KCNQ5: variants seen among roughly 807,000 people sequenced by gnomAD.
KCNQ5 encodes the protein potassium voltage-gated channel subfamily Q member 5, also known as potassium voltage-gated channel subfamily KQT member 5.
In KCNQ5, 30 loss-of-function variants were observed where a neutral mutation model predicts 98.2. The observed-to-expected ratio is 0.31, with a 90% confidence interval of 0.23 to 0.41. The LOEUF (loss-of-function observed/expected upper bound fraction) is 0.41, where lower values mean the gene tolerates loss of function less well. Among genes scored for constraint, KCNQ5 ranks in the 10% least tolerant of loss-of-function variants. The pLI is 1.00. For missense variants in KCNQ5, 835 were observed against 1,182.5 expected, an observed-to-expected ratio of 0.71 and a Z score of 4.31; for synonymous variants, 458 against 449.4, an observed-to-expected ratio of 1.02 and a Z score of -0.24.
intron 5 of KCNQ5, among the ~76,000 whole-genome samples, chr6:73,105,008 T>C (rs1051156953): frequency 1.3e-5 from 2 of 152,228 alleles, no homozygotes; most frequent in African/African-American, 4.8e-5. Context: ...TTAAATAATC[T>C]TTCCTTAAAT....
At chr6:72,856,584 T>G (rs1283514042) in intron 1 of KCNQ5, among the ~76,000 whole-genome samples, 2 of 152,164 alleles carry the variant, frequency 1.3e-5, no homozygotes, top group Non-Finnish European at 2.9e-5. Context: ...TTATGACTCC[T>G]CTGCCCCATT....
At position 72,759,000 on chromosome 6, in the gene KCNQ5, C is replaced by A. The variant is rs1423579768; in HGVS notation, c.398+136413C>A. ...TTTATGAGAGAGTCCACTGAAACTA[C>A]ACATTTAGTAAAGGGAAACAAGATC... is the stretch of plus-strand genomic sequence containing the variant. On this transcript the variant is annotated intron_variant, in intron 1 of 13. Coordinates refer to ENST00000370398, the MANE Select transcript of KCNQ5 (RefSeq NM_019842.4). 2.6e-5 allele frequency among the ~76,000 whole-genome samples: 4 copies of A among 152,128 alleles called. No individual in the cohort carries two copies. In the South Asian group the frequency reaches 8.3e-4, roughly 32 times the overall value.
chr6:73,080,312 A>T (rs72947202), intron 5 of KCNQ5, among the ~76,000 whole-genome samples: 2,277 of 152,166 alleles, frequency 0.015, 32 homozygotes, highest in Non-Finnish European at 0.022. Flanking sequence ...TTCTATTTTT[A>T]AAAAAAATCT....
chr6:72,795,037 T>A (rs1187452472), intron 1 of KCNQ5, among the ~76,000 whole-genome samples: 1 of 152,226 alleles, frequency 6.6e-6, no homozygotes, highest in East Asian at 1.9e-4. Flanking sequence ...CTCTTGACTC[T>A]GCTCTGTCTC....
At chr6:73,190,127 A>G (rs1013751185) in intron 11 of KCNQ5, among the ~76,000 whole-genome samples, 20 of 152,202 alleles carry the variant, frequency 1.3e-4, no homozygotes, top group African/African-American at 4.8e-4. Context: ...TTCTCTAGAG[A>G]GAATAGAGTG....
chr6:72,711,268 C>T (rs978177455), intron 1 of KCNQ5, among the ~76,000 whole-genome samples: 1 of 151,978 alleles, frequency 6.6e-6, no homozygotes, highest in African/African-American at 2.4e-5. Flanking sequence ...AGAGAGGCCT[C>T]AGGAGAAACC....
intron 1 of KCNQ5, among the ~76,000 whole-genome samples, chr6:72,969,988 G>A (rs186810070): frequency 2.4e-4 from 37 of 152,312 alleles, no homozygotes; most frequent in Non-Finnish European, 3.4e-4. Flanking sequence ...TTGGGTGCAG[G>A]TGGCTCATCC....
At chr6:72,982,975 C>A (rs1768545786) in intron 1 of KCNQ5, among the ~76,000 whole-genome samples, 1 of 152,188 alleles carries the variant, frequency 6.6e-6, no homozygotes, top group African/African-American at 2.4e-5. Flanking sequence ...AAATTCTTTT[C>A]TTTAAGAATA....
chr6:73,081,284 T>C (rs6941990), intron 5 of KCNQ5, among the ~76,000 whole-genome samples: 151,156 of 152,250 alleles, frequency 0.99, 75,044 homozygotes, highest in Middle Eastern at 1. Flanking sequence ...GCACTGAGAG[T>C]TGCTGGAAAA....
intron 3 of KCNQ5, among the ~76,000 whole-genome samples, chr6:73,047,401 T>C (rs1400214528): frequency 3.3e-5 from 5 of 152,252 alleles, no homozygotes; most frequent in South Asian, 4.1e-4. Context: ...GCTCCCTGTG[T>C]ATTTCCAAAT....
Position 72,902,251 on chromosome 6 carries a change from T to C in KCNQ5, c.399-101657T>C, listed in dbSNP as rs145569558. ...TCTAGGAACTTTCTGGAGAAGTCTT[T>C]AGGGTTCTCAAGGTAAACAATCATA... On this transcript the variant is annotated intron_variant, in intron 1 of 13. Transcript: ENST00000370398. 8.5e-3 allele frequency among the ~76,000 whole-genome samples: 1,298 copies of C among 152,300 alleles called. 21 individuals are homozygous for C. Among genetic ancestry groups the C allele is most frequent in the African/African-American group, 0.029 (1,199 of 41,556 alleles).
chr6:72,687,835 CTTTT>C (rs531246586), intron 1 of KCNQ5, among the ~76,000 whole-genome samples: 2 of 135,956 alleles, frequency 1.5e-5, no homozygotes, highest in Non-Finnish European at 1.6e-5. Flanking sequence ...TTATTGATCC[CTTTT>C]TTTTTTTTTT....
intron 1 of KCNQ5, among the ~76,000 whole-genome samples, chr6:72,841,196 T>C (rs1776773152): frequency 6.6e-6 from 1 of 152,198 alleles, no homozygotes; most frequent in African/African-American, 2.4e-5. Context: ...GCTCACTGCT[T>C]GTAAAACTAT....
intron 11 of KCNQ5, among the ~76,000 whole-genome samples, chr6:73,186,057 T>A (rs186957478): frequency 0.031 from 4,501 of 143,578 alleles, 107 homozygotes; most frequent in East Asian, 0.11. Context: ...AGACCCCCCC[T>A]ATCTCTGCAA....
intron 1 of KCNQ5, among the ~76,000 whole-genome samples, chr6:72,976,298 G>A (rs1051108987): frequency 6.6e-6 from 1 of 152,030 alleles, no homozygotes; most frequent in African/African-American, 2.4e-5. Flanking sequence ...AATGATTCCG[G>A]CCAGACAAAT....
chr6:72,829,901 G>T (rs1352183004), intron 1 of KCNQ5, among the ~76,000 whole-genome samples: 3 of 152,122 alleles, frequency 2.0e-5, no homozygotes, highest in Admixed American at 2.0e-4. Flanking sequence ...AGGGGCCTTA[G>T]ATTTCTGTAT....
intron 1 of KCNQ5, among the ~76,000 whole-genome samples, chr6:72,649,189 C>T (rs1406374300): frequency 1.3e-5 from 2 of 152,116 alleles, no homozygotes; most frequent in African/African-American, 4.8e-5. Context: ...TGTCAGGAGT[C>T]CCTGGCCAAT....
chr6:72,968,199 T>C (rs1471683865), intron 1 of KCNQ5, among the ~76,000 whole-genome samples: 3 of 152,184 alleles, frequency 2.0e-5, no homozygotes, highest in Non-Finnish European at 2.9e-5. Flanking sequence ...GTTATTGTCA[T>C]TGAACCCAGA....
chr6:72,626,480 T>C (rs956086682), intron 1 of KCNQ5, among the ~76,000 whole-genome samples: 9 of 152,222 alleles, frequency 5.9e-5, no homozygotes, highest in African/African-American at 2.2e-4. Flanking sequence ...CACCAATCTG[T>C]TGGATAGATT....
Sources: gnomAD v4.1 joint callset for allele counts (sites outside exome capture counted in the v4.1 genomes callset) on GRCh38, gnomAD v4.1.1 for gene constraint, MANE v1.5 for transcripts, NCBI Gene and HGNC (gene_info 2026-07-23, HGNC 2026-07-21) for gene names.